NR5A2: variants seen among roughly 807,000 people sequenced by gnomAD.
NR5A2 encodes the protein nuclear receptor subfamily 5 group A member 2.
NR5A2 carries 26 observed loss-of-function variants against 62.7 expected under a neutral mutation model. The observed-to-expected ratio is 0.41, with a 90% CI of 0.30 to 0.58. The LOEUF (loss-of-function observed/expected upper bound fraction) is 0.58. Among genes scored for constraint, NR5A2 ranks in the 20% least tolerant of loss-of-function variants. The pLI is 0.22. For missense variants in NR5A2, 541 were observed against 669.1 expected (o/e 0.81, Z 2.11); for synonymous variants, 246 against 241.7 (o/e 1.02, Z -0.16).
In NR5A2 at chr1:200,039,805, C is replaced by T. The variant is rs200305978; in HGVS notation, c.202+10C>T. 1.1e-3 allele frequency: 1,759 copies of T among 1,588,818 alleles called. 40 individuals are homozygous for T. The South Asian group carries it at 0.018, about 16-fold the overall frequency. ...CCGGAAAACATGCAAGGTAAGGAGGCGCCGCGCGGCGCTCCGGCTCCCGCT... is the reference window on the plus strand; with the variant it reads ...CCGGAAAACATGCAAGGTAAGGAGGTGCCGCGCGGCGCTCCGGCTCCCGCT... On this transcript the variant is annotated intron_variant, in intron 2 of 7. Transcript: ENST00000367362. This position sits in a 1 kb window ranked among gnomAD's most constrained non-coding sequence, Gnocchi z 5.1.
At chr1:200,052,646 C>G (rs1662690221) in intron 5 of NR5A2, among the ~76,000 whole-genome samples, 1 of 148,086 alleles carries the variant, frequency 6.8e-6, no homozygotes, top group South Asian at 2.1e-4. Flanking sequence ...CTTTCTCACT[C>G]TCTTTTTTTT....
chr1:200,151,232 T>G (rs928293692), intron 7 of NR5A2, among the ~76,000 whole-genome samples: 5 of 152,248 alleles, frequency 3.3e-5, no homozygotes, highest in Non-Finnish European at 1.5e-5. Context: ...GCAGTCAGTC[T>G]GTTAGGACAT....
At chr1:200,139,034 A>G (rs1165796336) in intron 7 of NR5A2, among the ~76,000 whole-genome samples, 1 of 152,220 alleles carries the variant, frequency 6.6e-6, no homozygotes, top group African/African-American at 2.4e-5. Context: ...TTTCCCGTTC[A>G]TGAACATAGT....
intron 5 of NR5A2, among the ~76,000 whole-genome samples, chr1:200,078,489 A>G (rs905741594): frequency 1.3e-5 from 2 of 152,206 alleles, no homozygotes; most frequent in Non-Finnish European, 2.9e-5. Context: ...TCTAGACCCA[A>G]CAGAGAATAC....
chr1:200,153,807 T>G (rs1235558638), intron 7 of NR5A2, among the ~76,000 whole-genome samples: 1 of 151,288 alleles, frequency 6.6e-6, no homozygotes, highest in Non-Finnish European at 1.5e-5. Context: ...GAGGGGGAGA[T>G]AGAGGGATGG....
At position 200,035,418 on chromosome 1, in the gene NR5A2, A is replaced by G. The variant is rs532357942; in HGVS notation, c.65-4240A>G. Among the ~76,000 whole-genome samples the G allele has an allele frequency of 9.9e-5, 15 of 151,922 alleles. No individual in the cohort carries two copies. The South Asian group carries it at 3.1e-3, about 32-fold the overall frequency. On this transcript the variant is annotated intron_variant, in intron 1 of 7. Coordinates refer to ENST00000367362, the MANE Select transcript of NR5A2 (RefSeq NM_205860.3). ...ACTTGAACCGCTCCTGAAAATCCTG[A>G]TATTTTTTCCCGCTGCAGCCCGCAC...
chr1:200,028,108 T>A (rs1299580055), intron 1 of NR5A2, among the ~76,000 whole-genome samples, 197 bp downstream of exon 1: 2 of 152,218 alleles, frequency 1.3e-5, no homozygotes, highest in Non-Finnish European at 2.9e-5. Flanking sequence ...TATTTCAACA[T>A]ATGAATATTA....
intron 7 of NR5A2, among the ~76,000 whole-genome samples, chr1:200,126,614 AT>A (rs1666714600): frequency 6.6e-6 from 1 of 152,186 alleles, no homozygotes; most frequent in Non-Finnish European, 1.5e-5. Flanking sequence ...ATGGATAACT[AT>A]TAGAGGATTT....
chr1:200,088,578 A>C (rs1664668461), intron 5 of NR5A2, among the ~76,000 whole-genome samples: 1 of 152,072 alleles, frequency 6.6e-6, no homozygotes, highest in Admixed American at 6.6e-5. Context: ...TGTTATTTAA[A>C]TCTTTCCTCT....
rs757388795 is a variant in NR5A2 at position 200,174,165 on chromosome 1, C to T, written c.1581C>T (p.Pro527=). 1.9e-6 allele frequency: 3 copies of T among 1,610,980 alleles called. No individual in the cohort carries two copies. The highest frequency in any genetic ancestry group is 2.5e-6 in the Non-Finnish European group (3 of 1,178,420). Residue 527 remains proline, a synonymous_variant, in exon 8 of 8, where the codon CCC becomes CCT. Coordinates refer to ENST00000367362, the MANE Select transcript of NR5A2 (RefSeq NM_205860.3). ...ACAAGCACCTGAACGGGGATGTGCC[C>T]TATAATAACCTTCTCATTGAAATGT... ...LYYKHLNGDV[P]YNNLLIEMLH...
At chr1:200,059,256 G>A (rs1663076666) in intron 5 of NR5A2, among the ~76,000 whole-genome samples, 1 of 152,130 alleles carries the variant, frequency 6.6e-6, no homozygotes, top group Admixed American at 6.5e-5. Flanking sequence ...ATATATAATT[G>A]GAGGGGCACA....
chr1:200,086,363 G>A lies in NR5A2; in HGVS notation c.1111-24839G>A, dbSNP rs185000047. 3.9e-5 allele frequency among the ~76,000 whole-genome samples: 6 copies of A among 152,186 alleles called. No homozygotes were observed. In the East Asian group the frequency reaches 1.2e-3, roughly 29 times the overall value. On this transcript the variant is annotated intron_variant, in intron 5 of 7. Transcript: ENST00000367362. ...TTGTTGCCCAGGCTGGAGTGCAGTG[G>A]CACAATCTCAGCTCACCGCAACCTC...
intron 7 of NR5A2, among the ~76,000 whole-genome samples, chr1:200,170,742 T>G (rs1447434327): frequency 2.0e-5 from 3 of 152,212 alleles, no homozygotes; most frequent in African/African-American, 7.2e-5. Context: ...ACATGTAAAT[T>G]AGAACTTGAT....
chr1:200,100,186 T>G (rs1231993860), intron 5 of NR5A2, among the ~76,000 whole-genome samples: 1 of 152,168 alleles, frequency 6.6e-6, no homozygotes, highest in Non-Finnish European at 1.5e-5. Context: ...AATGAAACAA[T>G]ACCCAGAAAG....
intron 7 of NR5A2, among the ~76,000 whole-genome samples, chr1:200,133,056 G>A (rs140573781): frequency 4.6e-5 from 7 of 152,110 alleles, no homozygotes; most frequent in African/African-American, 7.2e-5. Flanking sequence ...AACTCCACAC[G>A]CAGGAAAAGA....
chr1:200,031,563 T>C (rs568440517), intron 1 of NR5A2, among the ~76,000 whole-genome samples: 2 of 143,084 alleles, frequency 1.4e-5, no homozygotes, highest in East Asian at 3.9e-4. Context: ...TTTCTTTTTC[T>C]TTAACACCTT....
chr1:200,079,450 A>C (rs936564580), intron 5 of NR5A2, among the ~76,000 whole-genome samples: 2 of 152,244 alleles, frequency 1.3e-5, no homozygotes, highest in African/African-American at 4.8e-5. Flanking sequence ...GCAGGGTCTC[A>C]TCCTGAAGGA....
intron 1 of NR5A2, among the ~76,000 whole-genome samples, chr1:200,038,999 C>T (rs1018040389): frequency 2.0e-5 from 3 of 151,974 alleles, no homozygotes; most frequent in African/African-American, 7.3e-5. Context: ...ACCTCCTTCT[C>T]CCCCTCGTCT....
At position 200,039,762 on chromosome 1, in the gene NR5A2, G is replaced by A; in HGVS notation, c.169G>A (p.Gly57Arg). Residue 57 changes from glycine to arginine, a missense_variant, in exon 2 of 8, where the codon GGG (glycine) becomes AGG (arginine). This residue lies in a region of NR5A2 where 108 missense variants were observed against 103.3 expected (regional missense o/e 1.05). Transcript: ENST00000367362. This position sits in a 1 kb window ranked among gnomAD's most constrained non-coding sequence, Gnocchi z 5.1. ...TEALGLARSHGEQGQMPENMQ... is the reference protein window; with the variant it reads ...TEALGLARSHREQGQMPENMQ... Reference sequence around the variant, plus strand: ...AGCCCTGGGACTGGCTCGATCGCATGGGGAACAGGGCCAGATGCCGGAAAA... The same window carrying A: ...AGCCCTGGGACTGGCTCGATCGCATAGGGAACAGGGCCAGATGCCGGAAAA... The A allele has an allele frequency of 6.2e-7, 1 of 1,610,224 alleles. No homozygotes were observed. The highest frequency in any genetic ancestry group is 8.5e-7 in the Non-Finnish European group (1 of 1,178,396).
Sources: gnomAD v4.1 joint callset for allele counts (sites outside exome capture counted in the v4.1 genomes callset) on GRCh38, gnomAD v4.1.1 for gene constraint, gnomAD v4.1.1 regional missense constraint, Gnocchi (gnomAD v3.1) non-coding constraint, MANE v1.5 for transcripts, NCBI Gene and HGNC (gene_info 2026-07-23, HGNC 2026-07-21) for gene names.